CRIPTO: variants seen among roughly 807,000 people sequenced by gnomAD.
CRIPTO encodes the protein protein Cripto.
chr3:46,580,113 T>TGGG, the CRIPTO span: 3 of 1,612,920 alleles, frequency 1.9e-6, no homozygotes, highest in Non-Finnish European at 2.5e-6. Context: ...GTAGTTGCCT[T>TGGG]GGGGGGTGCT....
chr3:46,579,248 A>G, the CRIPTO span: 45 of 1,614,124 alleles, frequency 2.8e-5, no homozygotes, highest in Non-Finnish European at 3.7e-5. Context: ...GCCATCAGGA[A>G]TTTGCTCGTC....
At chr3:46,582,378 T>C in the CRIPTO span, 1 of 152,312 alleles carries the variant, frequency 6.6e-6, no homozygotes, top group Admixed American at 6.5e-5. Flanking sequence ...AACCAAGTGA[T>C]CAAACTACAT....
At chr3:46,579,430 C>T in the CRIPTO span, 1 of 1,612,980 alleles carries the variant, frequency 6.2e-7, no homozygotes, top group Non-Finnish European at 8.5e-7. Flanking sequence ...AGTATCTTTC[C>T]AACACTCTTT....
the CRIPTO span, among the ~76,000 whole-genome samples, chr3:46,580,252 AC>A: frequency 6.6e-6 from 1 of 152,182 alleles, no homozygotes; most frequent in East Asian, 1.9e-4. Context: ...TTCCTCGGGA[AC>A]CTGGCTAGTC....
chr3:46,582,146 G>A, the CRIPTO span: 1 of 152,276 alleles, frequency 6.6e-6, no homozygotes, highest in African/African-American at 2.4e-5. Context: ...AAGTAAAAAG[G>A]CTAAATGGAA....
At chr3:46,577,651 A>T in the CRIPTO span, 1 of 473,438 alleles carries the variant, frequency 2.1e-6, no homozygotes. Context: ...CGTGTGGGCC[A>T]TTGTCATGCT....
At chr3:46,578,203 T>G in the CRIPTO span, among the ~76,000 whole-genome samples, 2 of 152,204 alleles carry the variant, frequency 1.3e-5, no homozygotes, top group Non-Finnish European at 1.5e-5. Flanking sequence ...AACATTTTCG[T>G]GTTAATGTTA....
At chr3:46,579,900 G>A in the CRIPTO span, 2 of 1,614,184 alleles carry the variant, frequency 1.2e-6, no homozygotes, top group East Asian at 2.2e-5. Flanking sequence ...AGAGAGAAAG[G>A]GAAGTGGAAA....
At chr3:46,575,593 A>G in the CRIPTO span, among the ~76,000 whole-genome samples, 1 of 152,182 alleles carries the variant, frequency 6.6e-6, no homozygotes, top group Non-Finnish European at 1.5e-5. Context: ...ACATCGCCAG[A>G]CTGGAGACCT....
the CRIPTO span, chr3:46,581,877 A>G: frequency 6.1e-6 from 1 of 162,604 alleles, no homozygotes; most frequent in Non-Finnish European, 1.3e-5. Context: ...TGATTGAATT[A>G]TATGTTCAGA....
At chr3:46,579,023 G>A in the CRIPTO span, 3 of 1,529,748 alleles carry the variant, frequency 2.0e-6, no homozygotes, top group Non-Finnish European at 1.8e-6. Flanking sequence ...TGTGATGAGA[G>A]GACCTGGGTG....
chr3:46,576,222 C>T, the CRIPTO span, among the ~76,000 whole-genome samples: 1 of 152,164 alleles, frequency 6.6e-6, no homozygotes, highest in Non-Finnish European at 1.5e-5. Context: ...GTAATCCCAG[C>T]ACTTTGGGAG....
the CRIPTO span, chr3:46,577,562 C>A: frequency 5.1e-4 from 115 of 225,312 alleles, 1 homozygote; most frequent in African/African-American, 2.4e-3. Context: ...AAAAGAGTAC[C>A]TCTGATCATT....
the CRIPTO span, chr3:46,581,572 C>T: frequency 2.2e-5 from 13 of 579,606 alleles, no homozygotes; most frequent in South Asian, 1.1e-4. Flanking sequence ...TGCAATGACG[C>T]GATCTTGGTT....
chr3:46,576,647 A>T, the CRIPTO span, among the ~76,000 whole-genome samples: 1 of 152,168 alleles, frequency 6.6e-6, no homozygotes, highest in East Asian at 1.9e-4. Flanking sequence ...ACAGAGATGG[A>T]TGGAAACAAC....
At chr3:46,581,367 A>G in the CRIPTO span, 6 of 858,196 alleles carry the variant, frequency 7.0e-6, no homozygotes, top group Non-Finnish European at 1.0e-5. Flanking sequence ...TTGCCTTAAA[A>G]TAATGAATAC....
the CRIPTO span, chr3:46,577,968 C>T: frequency 6.2e-7 from 1 of 1,614,158 alleles, no homozygotes; most frequent in Non-Finnish European, 8.5e-7. Context: ...TTGTTAAAAG[C>T]TATGGACTGC....
the CRIPTO span, chr3:46,579,590 T>A: frequency 8.6e-7 from 1 of 1,158,262 alleles, no homozygotes; most frequent in South Asian, 1.3e-5. Context: ...GAACCACCAC[T>A]GGCCTATGCA....
At chr3:46,575,278 C>T in the CRIPTO span, among the ~76,000 whole-genome samples, 4 of 152,224 alleles carry the variant, frequency 2.6e-5, no homozygotes, top group Admixed American at 6.5e-5. Flanking sequence ...GTTTCTCCAG[C>T]GCCAAACTCC....
Sources: allele counts gnomAD v4.1 joint callset (sites outside exome capture counted in the v4.1 genomes callset), GRCh38; gene constraint gnomAD v4.1.1; transcripts MANE v1.5; gene names NCBI Gene and HGNC (gene_info 2026-07-23, HGNC 2026-07-21).